NCOA1: variants seen among roughly 807,000 people sequenced by gnomAD.
NCOA1 encodes the protein Hin-2 protein.
NCOA1 carries 35 observed loss-of-function variants against 150.9 expected under a neutral mutation model. That is an observed-to-expected ratio of 0.23 (90% CI 0.18 to 0.31). The LOEUF (loss-of-function observed/expected upper bound fraction) is 0.31. NCOA1 is among the 10% of genes least tolerant of loss of function. The pLI is 1.00. For synonymous variants in NCOA1, 590 were observed against 630.0 expected, an observed-to-expected ratio of 0.94 and a Z score of 0.95; for missense variants, 1,491 against 1,749.3, an observed-to-expected ratio of 0.85 and a Z score of 2.63.
At chr2:24,641,842 A>G (rs571387617) in intron 3 of NCOA1, among the ~76,000 whole-genome samples, 1 of 151,830 alleles carries the variant, frequency 6.6e-6, no homozygotes, top group Admixed American at 6.6e-5. Context: ...TGGTTTCTCT[A>G]TATTTATTCT....
intron 19 of NCOA1, among the ~76,000 whole-genome samples, chr2:24,751,064 T>C (rs1456641952): frequency 1.3e-5 from 2 of 150,592 alleles, no homozygotes; most frequent in African/African-American, 4.9e-5. Context: ...CTCGTCTCAC[T>C]GCAACCTCTG....
At chr2:24,615,497 C>T (rs1259873398) in intron 3 of NCOA1, among the ~76,000 whole-genome samples, 1 of 152,156 alleles carries the variant, frequency 6.6e-6, no homozygotes, top group Admixed American at 6.5e-5. Context: ...GTTATGTTGG[C>T]TTCTCTGCAG....
chr2:24,494,228 A>G (rs765008969), intron 1 of NCOA1, among the ~76,000 whole-genome samples: 7 of 152,168 alleles, frequency 4.6e-5, no homozygotes, highest in Non-Finnish European at 1.0e-4. Flanking sequence ...CTTTTCCCCA[A>G]TTCTGTATAG....
rs1439463086 is a variant in NCOA1 at position 24,770,376 on chromosome 2, T to C, written c.*1985T>C. 1 of 230,224 alleles carries C rather than the reference T, an allele frequency of 4.3e-6. No homozygotes were observed. The highest frequency in any genetic ancestry group is 8.6e-6 in the Non-Finnish European group (1 of 116,040). 14.3% of individuals were successfully genotyped at this position (230,224 alleles called of 1,614,324 possible). ...AACTAGAAAAAAAAAGTAAGGAAAATTGGAGATGCTAACATCCTCCCCCAT... is the reference window on the plus strand; with the variant it reads ...AACTAGAAAAAAAAAGTAAGGAAAACTGGAGATGCTAACATCCTCCCCCAT... On this transcript the variant is annotated 3_prime_UTR_variant, in exon 23 of 23. Coordinates refer to ENST00000348332, the MANE Select transcript of NCOA1 (RefSeq NM_003743.5).
intron 2 of NCOA1, among the ~76,000 whole-genome samples, chr2:24,579,369 C>T (rs1049342608): frequency 1.9e-4 from 29 of 152,244 alleles, no homozygotes; most frequent in Middle Eastern, 3.4e-3. Flanking sequence ...TTGTAGCTAA[C>T]GAGGTAGGAC....
chr2:24,576,177 T>G lies in NCOA1; in HGVS notation c.-259-8299T>G, dbSNP rs1190459227. ...TTTTTTTTTTTGTTTTTTGTTTTTT[T>G]TTTTTTTTTTTTTTGTTTGCTAGTC... On this transcript the variant is annotated intron_variant, in intron 2 of 22. Transcript: ENST00000348332. Among the ~76,000 whole-genome samples, 40 of 85,460 alleles carry G rather than the reference T, an allele frequency of 4.7e-4. 3 individuals are homozygous for G. The highest frequency in any genetic ancestry group is 4.6e-4 in the African/African-American group (13 of 28,092). The allele number at this position is 85,460 out of a possible 152,430, so 56.1% of individuals were successfully genotyped here.
chr2:24,576,511 A>G (rs1438857864), intron 2 of NCOA1, among the ~76,000 whole-genome samples: 1 of 152,074 alleles, frequency 6.6e-6, no homozygotes, highest in Non-Finnish European at 1.5e-5. Context: ...TTTTCTCAGG[A>G]ATCCCACTCC....
chr2:24,627,935 T>G (rs1669506398), intron 3 of NCOA1, among the ~76,000 whole-genome samples: 1 of 152,256 alleles, frequency 6.6e-6, no homozygotes, highest in Non-Finnish European at 1.5e-5. Flanking sequence ...CTAGCAGTTT[T>G]ACTAATTGTG....
At chr2:24,510,997 C>T (rs1024680650) in intron 1 of NCOA1, among the ~76,000 whole-genome samples, 9 of 152,192 alleles carry the variant, frequency 5.9e-5, no homozygotes, top group African/African-American at 2.2e-4. Context: ...TTAGCAGTGT[C>T]TCCCCATTCC....
chr2:24,689,579 A>G (rs1672567320), intron 8 of NCOA1, among the ~76,000 whole-genome samples: 1 of 152,140 alleles, frequency 6.6e-6, no homozygotes, highest in South Asian at 2.1e-4. Context: ...ATTTTAGTAG[A>G]GACAGGGTTT....
chr2:24,599,229 A>T (rs188077341), intron 3 of NCOA1, among the ~76,000 whole-genome samples: 141 of 152,332 alleles, frequency 9.3e-4, no homozygotes, highest in Non-Finnish European at 1.9e-3. Flanking sequence ...TGTGACTCAG[A>T]TATTCTGTGG....
chr2:24,749,567 G>GT (rs1664114190), intron 19 of NCOA1, among the ~76,000 whole-genome samples: 1 of 152,186 alleles, frequency 6.6e-6, no homozygotes, highest in African/African-American at 2.4e-5. Flanking sequence ...GGGGTATCAA[G>GT]TAGAACACTC....
At chr2:24,674,196 GCCCTTGGGTAC>G (rs1048832201) in intron 7 of NCOA1, among the ~76,000 whole-genome samples, 2 of 145,626 alleles carry the variant, frequency 1.4e-5, no homozygotes, top group African/African-American at 5.0e-5. Flanking sequence ...CTTATTTATG[GCCCTTGGGTAC>G]CCCTTTTTTT....
At chr2:24,695,701 CT>C (rs781340767) in intron 10 of NCOA1, among the ~76,000 whole-genome samples, 17 of 152,006 alleles carry the variant, frequency 1.1e-4, no homozygotes, top group Non-Finnish European at 2.5e-4. Flanking sequence ...AACAGTGGGG[CT>C]TTTTATTGTT....
intron 3 of NCOA1, among the ~76,000 whole-genome samples, chr2:24,596,144 A>G (rs1667876436): frequency 6.6e-6 from 1 of 152,192 alleles, no homozygotes. Flanking sequence ...GTCCCCTGCT[A>G]ATTTGACAAG....
intron 1 of NCOA1, among the ~76,000 whole-genome samples, chr2:24,552,349 ATATATTTTTTTTTTTTTTTTTT>A (rs1264733541): frequency 3.3e-5 from 1 of 30,526 alleles, no homozygotes; most frequent in African/African-American, 1.3e-4. Context: ...ATATATATAT[ATATATTTTTTTTTTTTTTTTTT>A]TTTTTTTTTT....
intron 4 of NCOA1, among the ~76,000 whole-genome samples, chr2:24,656,977 T>C (rs995862878): frequency 2.0e-5 from 3 of 152,254 alleles, no homozygotes; most frequent in Admixed American, 6.5e-5. Context: ...TTTGGACATA[T>C]GCATATTTGT....
chr2:24,670,030 C>T (rs1671612138), intron 6 of NCOA1, among the ~76,000 whole-genome samples: 3 of 152,012 alleles, frequency 2.0e-5, no homozygotes, highest in South Asian at 2.1e-4. Flanking sequence ...CCCAACTATT[C>T]GGGAGACCAA....
At chr2:24,720,370 G>T (rs1364089701) in intron 14 of NCOA1, among the ~76,000 whole-genome samples, 1 of 152,226 alleles carries the variant, frequency 6.6e-6, no homozygotes, top group African/African-American at 2.4e-5. Flanking sequence ...AATAGTATCT[G>T]CTAGCTTTGC....
Sources: allele counts gnomAD v4.1 joint callset (sites outside exome capture counted in the v4.1 genomes callset), GRCh38; gene constraint gnomAD v4.1.1; transcripts MANE v1.5; gene names NCBI Gene and HGNC (gene_info 2026-07-23, HGNC 2026-07-21).